RASA1: variants seen among roughly 807,000 people sequenced by gnomAD.
The protein encoded by RASA1 is RAS p21 protein activator 1.
A neutral mutation model predicts 132.2 loss-of-function variants in RASA1; 25 were observed. That is an observed-to-expected ratio of 0.19 (90% CI 0.14 to 0.26). The LOEUF (loss-of-function observed/expected upper bound fraction) is 0.26. RASA1 is among the 10% of genes least tolerant of loss of function. The pLI is 1.00. For missense variants in RASA1, 964 were observed against 1,299.2 expected (o/e 0.74, Z 3.97); for synonymous variants, 477 against 449.9 (o/e 1.06, Z -0.76).
rs778411235 is a variant in RASA1 at position 87,298,536 on chromosome 5, G to A, written c.539+29546G>A. ...AAAAGAGATTGGTTTGTGGGAATTC[G>A]GAGGCTACATCCTTTCAGAGAATGA... On this transcript the variant is annotated intron_variant, in intron 1 of 24. Coordinates refer to ENST00000274376, the MANE Select transcript of RASA1 (RefSeq NM_002890.3). Among the ~76,000 whole-genome samples the A allele has an allele frequency of 7.2e-5, 11 of 152,252 alleles. No individual in the cohort carries two copies. In the East Asian group the frequency reaches 9.7e-4, roughly 13 times the overall value.
chr5:87,377,150 A>G lies in RASA1; in HGVS notation c.2344+110A>G, dbSNP rs1761384045. Reference sequence around the variant, plus strand: ...CTAAATTGTTAAATTATATTGCAAAATAAGTTATTCTGTTTTCCCTCCTTA... The same window carrying G: ...CTAAATTGTTAAATTATATTGCAAAGTAAGTTATTCTGTTTTCCCTCCTTA... On this transcript the variant is annotated intron_variant, in intron 17 of 24. Transcript: ENST00000274376. The G allele has an allele frequency of 5.1e-6, 7 of 1,380,744 alleles. No homozygotes were observed. In the Admixed American group the frequency reaches 7.1e-5, roughly 14 times the overall value. The allele number at this position is 1,380,744 out of a possible 1,614,324, so 85.5% of individuals were successfully genotyped here.
chr5:87,359,830 G>GT (rs1225817604), intron 9 of RASA1, among the ~76,000 whole-genome samples: 2 of 152,136 alleles, frequency 1.3e-5, no homozygotes, highest in African/African-American at 4.8e-5. Context: ...GAATTTAAAT[G>GT]TAGCGTACCC....
rs1352575365 is a variant in RASA1, at chr5:87,362,677, T to C, written c.1453+6T>C. ...AGGTTATCTTCTGAAAAAGGGTAAG[T>C]TCAGACTTTTATCATTAACCCATTT... is the stretch of plus-strand genomic sequence containing the variant. On this transcript the variant is annotated splice_donor_region_variant and intron_variant, in intron 10 of 24. Coordinates refer to ENST00000274376, the MANE Select transcript of RASA1 (RefSeq NM_002890.3). The C allele has an allele frequency of 1.9e-6, 3 of 1,603,970 alleles. No individual in the cohort carries two copies. The highest frequency in any genetic ancestry group is 1.7e-6 in the Non-Finnish European group (2 of 1,171,170).
chr5:87,391,494 A>G lies in RASA1; in HGVS notation c.*611A>G, dbSNP rs1762512034. ...TGAAAGAAAATATATAGAATGATCTATTGCTCATCAGCTTTATTTTTTAAA... is the reference window on the plus strand; with the variant it reads ...TGAAAGAAAATATATAGAATGATCTGTTGCTCATCAGCTTTATTTTTTAAA... On this transcript the variant is annotated 3_prime_UTR_variant, in exon 25 of 25. Transcript: ENST00000274376. The G allele has an allele frequency of 4.2e-6, 1 of 238,706 alleles. No individual in the cohort carries two copies. Among genetic ancestry groups the G allele is most frequent in the East Asian group, 6.0e-5 (1 of 16,574 alleles). 14.8% of individuals were successfully genotyped at this position (238,706 alleles called of 1,614,324 possible).
In RASA1 at chr5:87,374,321, G is replaced by GT; in HGVS notation, c.1934+2dup. ...TATGGTCAGAAGAGTTTGTCTTTGA[G>GT]TAAGTCTTATTTTATCATTACATTA... is the stretch of plus-strand genomic sequence containing the variant. On this transcript the variant is annotated splice_donor_variant, in intron 14 of 24. Transcript: ENST00000274376. LOFTEE classifies it high-confidence loss of function. The GT allele has an allele frequency of 6.2e-7, 1 of 1,601,574 alleles. No individual in the cohort carries two copies. Among genetic ancestry groups the GT allele is most frequent in the Non-Finnish European group, 8.5e-7 (1 of 1,172,494 alleles).
intron 1 of RASA1, among the ~76,000 whole-genome samples, chr5:87,290,852 A>G (rs1754883981): frequency 6.6e-6 from 1 of 152,192 alleles, no homozygotes; most frequent in Non-Finnish European, 1.5e-5. Context: ...ATGCACCATA[A>G]TTTATCCAGT....
chr5:87,287,322 AC>A (rs1754656883), intron 1 of RASA1, among the ~76,000 whole-genome samples: 1 of 146,858 alleles, frequency 6.8e-6, no homozygotes. Context: ...ATATATATAC[AC>A]CATATATACA....
At chr5:87,378,271 C>A in intron 17 of RASA1, 125 bp from the exon 18 acceptor site, 1 of 1,086,826 alleles carries the variant, frequency 9.2e-7, no homozygotes, top group Non-Finnish European at 1.4e-6. Flanking sequence ...ACTTTCAACG[C>A]TGCACGCAAA....
intron 6 of RASA1, among the ~76,000 whole-genome samples, chr5:87,341,858 AT>A (rs1221507540): frequency 6.6e-6 from 1 of 151,824 alleles, no homozygotes; most frequent in Non-Finnish European, 1.5e-5. Flanking sequence ...TCAGTACAAC[AT>A]TTTTTCTTAT....
chr5:87,286,070 T>G (rs1754547739), intron 1 of RASA1, among the ~76,000 whole-genome samples: 2 of 152,044 alleles, frequency 1.3e-5, no homozygotes, highest in South Asian at 4.1e-4. Context: ...TGGCATGATC[T>G]TGGCTCACTG....
intron 1 of RASA1, chr5:87,318,671 G>C (rs1350963161): frequency 6.6e-6 from 1 of 152,180 alleles, no homozygotes; most frequent in Non-Finnish European, 1.5e-5. Flanking sequence ...CCTCCTACCA[G>C]GTCCCCTCCC....
intron 1 of RASA1, among the ~76,000 whole-genome samples, chr5:87,297,802 G>A (rs1755188294): frequency 6.6e-6 from 1 of 152,148 alleles, no homozygotes; most frequent in South Asian, 2.1e-4. Flanking sequence ...GAGTGTCAGG[G>A]CCTCACATGA....
intron 4 of RASA1, among the ~76,000 whole-genome samples, chr5:87,336,478 TA>T (rs1394820034): frequency 6.6e-6 from 1 of 152,130 alleles, no homozygotes. Flanking sequence ...CTGTGGATTT[TA>T]AAATAAAAAT....
intron 1 of RASA1, among the ~76,000 whole-genome samples, chr5:87,275,433 T>G (rs1754020647): frequency 6.6e-6 from 1 of 152,228 alleles, no homozygotes; most frequent in South Asian, 2.1e-4. Context: ...ACATGTGATC[T>G]GTTGGCTATA....
At chr5:87,360,460 T>C (rs1183766959) in intron 9 of RASA1, among the ~76,000 whole-genome samples, 1 of 152,126 alleles carries the variant, frequency 6.6e-6, no homozygotes, top group African/African-American at 2.4e-5. Flanking sequence ...TGTTGGAGAG[T>C]ACAGTGTCCA....
At position 87,268,405 on chromosome 5, in the gene RASA1, G is replaced by T; in HGVS notation, c.-47G>T. 1 of 1,485,392 alleles carries T rather than the reference G, an allele frequency of 6.7e-7. No homozygotes were observed. The highest frequency in any genetic ancestry group is 9.0e-7 in the Non-Finnish European group (1 of 1,114,374). 92.0% of individuals were successfully genotyped at this position (1,485,392 alleles called of 1,614,324 possible). ...TCGGAGCCCGGGCCTGGTGGCCCCT[G>T]GGGCTCCCGGGCGGGCAGGGTAGGG... On this transcript the variant is annotated 5_prime_UTR_variant, in exon 1 of 25. Transcript: ENST00000274376.
At chr5:87,362,302 CAG>C (rs1760165311) in intron 9 of RASA1, among the ~76,000 whole-genome samples, 1 of 152,124 alleles carries the variant, frequency 6.6e-6, no homozygotes, top group African/African-American at 2.4e-5. Context: ...TCCATGGAAA[CAG>C]ACAACTTATT....
intron 9 of RASA1, among the ~76,000 whole-genome samples, chr5:87,358,506 C>T (rs964799693): frequency 3.3e-5 from 5 of 152,158 alleles, no homozygotes; most frequent in Non-Finnish European, 7.4e-5. Context: ...CTGACTCTGT[C>T]TTCAAAGTAT....
At chr5:87,334,828 G>A (rs1460135404) in intron 4 of RASA1, among the ~76,000 whole-genome samples, 1 of 152,054 alleles carries the variant, frequency 6.6e-6, no homozygotes, top group Non-Finnish European at 1.5e-5. Context: ...CACTTCTGCT[G>A]TGTACCAGGG....
Sources: gnomAD v4.1 joint callset for allele counts (sites outside exome capture counted in the v4.1 genomes callset) on GRCh38, gnomAD v4.1.1 for gene constraint, MANE v1.5 for transcripts, NCBI Gene and HGNC (gene_info 2026-07-23, HGNC 2026-07-21) for gene names.